SNTG1: variants seen among roughly 807,000 people sequenced by gnomAD.
SNTG1 encodes gamma-1-syntrophin.
A neutral mutation model predicts 74.7 loss-of-function variants in SNTG1; 39 were observed. The ratio of observed to expected loss-of-function variants is 0.52; its 90% confidence interval spans 0.40 to 0.68. The LOEUF is 0.68. SNTG1 is among the 30% of genes least tolerant of loss of function. The probability of loss-of-function intolerance (pLI) is 0.00; values close to 1 mark genes in which losing one functional copy is unlikely to be tolerated. For missense variants in SNTG1, 685 were observed against 609.5 expected, an observed-to-expected ratio of 1.12 and a Z score of -1.30; for synonymous variants, 254 against 217.1, an observed-to-expected ratio of 1.17 and a Z score of -1.49.
intron 2 of SNTG1, among the ~76,000 whole-genome samples, chr8:50,190,280 G>T (rs557931874): frequency 6.6e-6 from 1 of 152,200 alleles, no homozygotes; most frequent in African/African-American, 2.4e-5. Context: ...GCAAAATACA[G>T]CTGTTAACCA....
intron 8 of SNTG1, among the ~76,000 whole-genome samples, chr8:50,479,905 G>C (rs142166102): frequency 0.011 from 1,749 of 152,238 alleles, 15 homozygotes; most frequent in Non-Finnish European, 0.02. Context: ...GGCTCTTAAT[G>C]AATGCTGCTG....
intron 18 of SNTG1, among the ~76,000 whole-genome samples, chr8:50,774,602 G>A (rs2095635299): frequency 6.6e-6 from 1 of 151,710 alleles, no homozygotes; most frequent in Admixed American, 6.6e-5. Flanking sequence ...ATAATTTTTA[G>A]ATAATAACTT....
chr8:50,542,339 T>C (rs920057898), intron 11 of SNTG1, among the ~76,000 whole-genome samples: 7 of 151,692 alleles, frequency 4.6e-5, no homozygotes, highest in African/African-American at 9.7e-5. Flanking sequence ...GTATCTTTAG[T>C]AGAGATGGGG....
chr8:50,639,381 T>G (rs1415580898), intron 13 of SNTG1, among the ~76,000 whole-genome samples: 1 of 152,064 alleles, frequency 6.6e-6, no homozygotes, highest in Non-Finnish European at 1.5e-5. Flanking sequence ...AATACACATT[T>G]CTGAAATATT....
In SNTG1 at chr8:50,095,983, T is replaced by TA. The variant is rs199823290; in HGVS notation, c.-102-76568dup. Among the ~76,000 whole-genome samples the TA allele has an allele frequency of 2.8e-4, 42 of 149,960 alleles. 1 individual carries two copies. Among genetic ancestry groups the TA allele is most frequent in the Middle Eastern group, 3.5e-3 (1 of 286 alleles). ...TATCTTAATTATTATTACCTGAATCTAAAAAAAAAATTCCATGAATGACAA... is the reference window on the plus strand; with the variant it reads ...TATCTTAATTATTATTACCTGAATCTAAAAAAAAAAATTCCATGAATGACAA... On this transcript the variant is annotated intron_variant, in intron 1 of 18. Coordinates refer to ENST00000642720, the MANE Select transcript of SNTG1 (RefSeq NM_018967.5).
At chr8:49,910,518 C>A (rs1023126920), upstream of SNTG1, among the ~76,000 whole-genome samples, 2 of 152,150 alleles carry the variant, frequency 1.3e-5, no homozygotes, top group Non-Finnish European at 2.9e-5. Flanking sequence ...ACAGTTTCAA[C>A]GTTATGTATT....
In SNTG1 at chr8:50,502,292, G is replaced by A. The variant is rs946131570; in HGVS notation, c.364-486G>A. On this transcript the variant is annotated intron_variant, in intron 8 of 18. Transcript: ENST00000642720. ...TTGCTTTAATCTGAATTAGTACTCT[G>A]GTCAATATTGGCAGAATCAGATTTT... is the stretch of plus-strand genomic sequence containing the variant. Among the ~76,000 whole-genome samples, 16 of 152,142 alleles carry A rather than the reference G, an allele frequency of 1.1e-4. 1 individual carries two copies. The East Asian group carries it at 2.9e-3, about 28-fold the overall frequency.
At chr8:49,912,415 C>T (rs1408672893) in intron 1 of SNTG1, among the ~76,000 whole-genome samples, 184 bp downstream of exon 1, 2 of 152,110 alleles carry the variant, frequency 1.3e-5, no homozygotes, top group African/African-American at 4.8e-5. Context: ...TACATGTTGC[C>T]TTACATAATT....
chr8:50,228,359 AAT>A (rs1341368282), intron 2 of SNTG1, among the ~76,000 whole-genome samples: 1 of 151,934 alleles, frequency 6.6e-6, no homozygotes, highest in Non-Finnish European at 1.5e-5. Flanking sequence ...GATCAGAAGG[AAT>A]ATTTGAAATT....
At chr8:50,592,036 G>A (rs1003046735) in intron 13 of SNTG1, among the ~76,000 whole-genome samples, 13 of 152,162 alleles carry the variant, frequency 8.5e-5, no homozygotes, top group African/African-American at 3.1e-4. Flanking sequence ...TTGCTCCCAT[G>A]CTGTCCCAGG....
chr8:50,457,616 C>A (rs913583073), intron 8 of SNTG1, among the ~76,000 whole-genome samples: 4 of 152,022 alleles, frequency 2.6e-5, no homozygotes, highest in African/African-American at 7.2e-5. Flanking sequence ...AGACAGGGGG[C>A]AAGGGTTGTT....
intron 6 of SNTG1, among the ~76,000 whole-genome samples, 153 bp from the exon 7 acceptor site, chr8:50,450,403 G>A (rs1394665140): frequency 1.3e-5 from 2 of 152,084 alleles, no homozygotes; most frequent in Non-Finnish European, 2.9e-5. Context: ...ATATTGTTTC[G>A]AATTTCCATT....
chr8:50,640,753 C>G (rs1475309333), intron 13 of SNTG1, among the ~76,000 whole-genome samples: 1 of 152,102 alleles, frequency 6.6e-6, no homozygotes, highest in Non-Finnish European at 1.5e-5. Flanking sequence ...CTTCATGTCT[C>G]CTTAACACAT....
At chr8:50,340,092 A>G (rs2091275226) in intron 2 of SNTG1, among the ~76,000 whole-genome samples, 1 of 152,016 alleles carries the variant, frequency 6.6e-6, no homozygotes, top group Admixed American at 6.5e-5. Context: ...ATAAATTGAG[A>G]GATATTCCAT....
At chr8:50,772,467 A>C (rs2095629619) in intron 18 of SNTG1, among the ~76,000 whole-genome samples, 1 of 152,138 alleles carries the variant, frequency 6.6e-6, no homozygotes, top group Non-Finnish European at 1.5e-5. Flanking sequence ...TTATCTTGGA[A>C]ATAAATAACT....
intron 18 of SNTG1, among the ~76,000 whole-genome samples, chr8:50,780,558 A>G (rs113211176): frequency 6.6e-6 from 1 of 152,026 alleles, no homozygotes; most frequent in Non-Finnish European, 1.5e-5. Context: ...TATCCCCTTT[A>G]TCATTTTTTA....
intron 2 of SNTG1, among the ~76,000 whole-genome samples, chr8:50,212,464 T>G (rs906373307): frequency 1.3e-5 from 2 of 152,106 alleles, no homozygotes; most frequent in Admixed American, 6.5e-5. Context: ...TGAACATTCA[T>G]TAGGAAACAT....
chr8:50,091,389 T>G (rs181627458), intron 1 of SNTG1, among the ~76,000 whole-genome samples: 1 of 152,226 alleles, frequency 6.6e-6, no homozygotes, highest in Non-Finnish European at 1.5e-5. Context: ...ATTCTGTACA[T>G]TAAGTCTCTA....
chr8:50,021,162 A>G (rs1408934190), intron 1 of SNTG1, among the ~76,000 whole-genome samples: 3 of 152,196 alleles, frequency 2.0e-5, no homozygotes, highest in Non-Finnish European at 4.4e-5. Context: ...ATCCCACTCA[A>G]TAAAACTGGC....
Sources: gnomAD v4.1 joint callset for allele counts (sites outside exome capture counted in the v4.1 genomes callset) on GRCh38, gnomAD v4.1.1 for gene constraint, MANE v1.5 for transcripts, NCBI Gene and HGNC (gene_info 2026-07-23, HGNC 2026-07-21) for gene names.